Variants in CHRNA3 observed in about 807,000 individuals in gnomAD.
CHRNA3 encodes the protein cholinergic receptor nicotinic alpha 3 subunit.
In CHRNA3, 34 loss-of-function variants were observed where a neutral mutation model predicts 41.9. That is an observed-to-expected ratio of 0.81 (90% CI 0.62 to 1.08). The LOEUF is 1.08. Ranked by LOEUF, CHRNA3 falls within the 50% of genes least tolerant of loss-of-function variation. The pLI is 0.00. For synonymous variants in CHRNA3, 281 were observed against 265.2 expected (o/e 1.06, Z -0.58); for missense variants, 542 against 638.3 (o/e 0.85, Z 1.63).
At chr15:78,606,987 G>C (rs183089274) in intron 4 of CHRNA3, among the ~76,000 whole-genome samples, 4 of 152,128 alleles carry the variant, frequency 2.6e-5, no homozygotes, top group African/African-American at 9.7e-5. Context: ...CAGCACTTTG[G>C]AAGGCTGAGG....
intron 4 of CHRNA3, among the ~76,000 whole-genome samples, chr15:78,607,815 C>G (rs1301713247): frequency 6.6e-6 from 1 of 152,202 alleles, no homozygotes; most frequent in Admixed American, 6.5e-5. Context: ...GTTCCCTTTC[C>G]TAGTCAAAGA....
intron 4 of CHRNA3, among the ~76,000 whole-genome samples, chr15:78,611,497 A>G (rs1211861549): frequency 1.3e-5 from 2 of 151,872 alleles, no homozygotes; most frequent in African/African-American, 4.8e-5. Flanking sequence ...AGATGCAGAA[A>G]AGGCCTTTGA....
At chr15:78,614,960 A>G (rs957495987) in intron 4 of CHRNA3, among the ~76,000 whole-genome samples, 7 of 152,214 alleles carry the variant, frequency 4.6e-5, no homozygotes, top group Admixed American at 4.6e-4. Context: ...TGCAAGAGAG[A>G]AAGAGGAGAG....
chr15:78,613,463 C>A (rs1001077093), intron 4 of CHRNA3, among the ~76,000 whole-genome samples: 3 of 147,992 alleles, frequency 2.0e-5, no homozygotes, highest in African/African-American at 7.5e-5. Context: ...AGCAAACTAT[C>A]GCAAGGACAA....
Position 78,617,037 on chromosome 15 carries a change from C to T in CHRNA3, c.364G>A (p.Val122Met). ...PAQKIWKPDI[V>M]LYNNAVGDFQ... ...CCAGCACCTTACTTGTTATACAGCACAATGTCTGGCTTCCAGATCTTCTGT... is the reference window on the plus strand; with the variant it reads ...CCAGCACCTTACTTGTTATACAGCATAATGTCTGGCTTCCAGATCTTCTGT... Residue 122 changes from valine (V) to methionine (M), a missense_variant, in exon 4 of 6, where the codon GTG becomes ATG. Val to Met is a conservative substitution (Grantham distance 21). Coordinates refer to ENST00000326828, the MANE Select transcript of CHRNA3 (RefSeq NM_000743.5). 6.2e-7 allele frequency: 1 copy of T among 1,613,096 alleles called. No homozygotes were observed. Among genetic ancestry groups the T allele is most frequent in the South Asian group, 1.1e-5 (1 of 90,930 alleles).
intron 4 of CHRNA3, among the ~76,000 whole-genome samples, chr15:78,614,759 A>G (rs1387783310): frequency 6.6e-6 from 1 of 152,250 alleles, no homozygotes; most frequent in African/African-American, 2.4e-5. Context: ...TCTAAAATGC[A>G]GGTACAAAAA....
chr15:78,596,167 A>T lies in CHRNA3; in HGVS notation c.*437T>A, dbSNP rs924176344. On this transcript the variant is annotated 3_prime_UTR_variant, in exon 6 of 6. Transcript: ENST00000326828. ...AATGCATGGTAAGAAATGGGTAACG[A>T]TGGGGGATTGCTGAATTAGTATAAA... is the stretch of plus-strand genomic sequence containing the variant. 3 of 984,502 alleles carry T rather than the reference A, an allele frequency of 3.0e-6. No homozygotes were observed. The highest frequency in any genetic ancestry group is 3.6e-6 in the Non-Finnish European group (3 of 829,562). 61.0% of individuals were successfully genotyped at this position (984,502 alleles called of 1,614,324 possible).
chr15:78,595,435 TAACA>T lies in CHRNA3; in HGVS notation c.*1165_*1168del. ...TCAGAAGTGTAGTACATGATACTCT[TAACA>T]ATTTGTCTAAAGCAATGTTTCTCAA... On this transcript the variant is annotated 3_prime_UTR_variant, in exon 6 of 6. Coordinates refer to ENST00000326828, the MANE Select transcript of CHRNA3 (RefSeq NM_000743.5). 2 of 984,804 alleles carry T rather than the reference TAACA, an allele frequency of 2.0e-6. No homozygotes were observed. Among genetic ancestry groups the T allele is most frequent in the Non-Finnish European group, 2.4e-6 (2 of 829,366 alleles). 61.0% of individuals were successfully genotyped at this position (984,804 alleles called of 1,614,324 possible).
intron 4 of CHRNA3, among the ~76,000 whole-genome samples, chr15:78,609,187 AG>A: frequency 6.6e-6 from 1 of 152,362 alleles, no homozygotes; most frequent in Non-Finnish European, 1.5e-5. Flanking sequence ...TCCCCAATCT[AG>A]CAAGGCAGGC....
At chr15:78,609,648 G>A (rs1454669875) in intron 4 of CHRNA3, among the ~76,000 whole-genome samples, 2 of 152,072 alleles carry the variant, frequency 1.3e-5, no homozygotes, top group Non-Finnish European at 1.5e-5. Flanking sequence ...AGACCATCAA[G>A]GCTAGGAAGA....
chr15:78,600,721 A>G (rs999048318), intron 5 of CHRNA3, among the ~76,000 whole-genome samples: 1 of 152,146 alleles, frequency 6.6e-6, no homozygotes, highest in East Asian at 1.9e-4. Flanking sequence ...GTACAAAAAA[A>G]TTAGGGTATG....
rs199547324 is a variant in CHRNA3, at chr15:78,601,481, C to T, written c.1161G>A (p.Glu387=). Reference sequence around the variant, plus strand: ...GGTAGCCCTCCTTGCAGCCTTTGGACTCTGCGCGGCTGAAGCAATTCAGAT... The same window carrying T: ...GGTAGCCCTCCTTGCAGCCTTTGGATTCTGCGCGGCTGAAGCAATTCAGAT... ...LSNLNCFSRA[E]SKGCKEGYPC... is the part of the protein sequence containing the mutation. Residue 387 remains glutamate, a synonymous_variant, in exon 5 of 6, where the codon GAG becomes GAA. Transcript: ENST00000326828. The T allele has an allele frequency of 1.9e-6, 3 of 1,614,148 alleles. No individual in the cohort carries two copies. Among genetic ancestry groups the T allele is most frequent in the Middle Eastern group, 3.3e-4 (2 of 6,062 alleles).
chr15:78,612,446 G>A (rs2053394396), intron 4 of CHRNA3, among the ~76,000 whole-genome samples: 1 of 37,964 alleles, frequency 2.6e-5, no homozygotes, highest in African/African-American at 1.4e-4. Flanking sequence ...TGACAAACCT[G>A]ACAAAAACAA....
intron 4 of CHRNA3, among the ~76,000 whole-genome samples, chr15:78,616,551 C>T (rs998896848): frequency 6.6e-6 from 1 of 152,114 alleles, no homozygotes; most frequent in African/African-American, 2.4e-5. Flanking sequence ...TGCTACATTC[C>T]AGGTGCCCCG....
intron 4 of CHRNA3, among the ~76,000 whole-genome samples, chr15:78,608,081 T>C (rs1436821490): frequency 1.3e-5 from 2 of 152,210 alleles, no homozygotes; most frequent in African/African-American, 4.8e-5. Context: ...AAGCTCGAAC[T>C]GGATGGAGCC....
intron 4 of CHRNA3, among the ~76,000 whole-genome samples, chr15:78,608,217 G>C (rs1475374831): frequency 6.6e-6 from 1 of 152,198 alleles, no homozygotes; most frequent in African/African-American, 2.4e-5. Flanking sequence ...GGAGAGTAAT[G>C]GTTCTCCCAG....
chr15:78,606,521 T>C (rs909163414), intron 4 of CHRNA3, among the ~76,000 whole-genome samples: 2 of 151,936 alleles, frequency 1.3e-5, no homozygotes, highest in African/African-American at 4.8e-5. Flanking sequence ...TAAGGGATAA[T>C]TTGGTTAAAT....
At chr15:78,596,796 T>G in intron 5 of CHRNA3, 64 bp from the exon 6 acceptor site, 1 of 1,548,244 alleles carries the variant, frequency 6.5e-7, no homozygotes, top group African/African-American at 1.4e-5. Context: ...ACATTTTCAA[T>G]ACTGAAGATG....
downstream of CHRNA3, chr15:78,593,172 A>G: frequency 3.1e-6 from 5 of 1,613,784 alleles, no homozygotes; most frequent in East Asian, 8.9e-5. Context: ...CAATTGTTGG[A>G]TCTCTTGGGC....
Sources: allele counts gnomAD v4.1 joint callset (sites outside exome capture counted in the v4.1 genomes callset), GRCh38; gene constraint gnomAD v4.1.1; transcripts MANE v1.5; gene names NCBI Gene and HGNC (gene_info 2026-07-23, HGNC 2026-07-21).